The following ADAT3 variants were observed in gnomAD, a reference collection of about 807,000 sequenced individuals.
The protein encoded by ADAT3 is tRNA-specific adenosine-34 deaminase regulatory subunit ADAT3.
ADAT3 carries 2 observed loss-of-function variants against 3.5 expected under a neutral mutation model. The observed-to-expected ratio is 0.57, with a 90% CI of 0.23 to 1.79. ADAT3 has a LOEUF of 1.79. Ranked by LOEUF, ADAT3 falls within the 40% of genes most tolerant of loss-of-function variation. The pLI, the probability that ADAT3 is intolerant of heterozygous loss-of-function variation, is 0.18. For synonymous variants in ADAT3, 358 were observed against 270.3 expected (o/e 1.32, Z -3.18); for missense variants, 735 against 571.4 (o/e 1.29, Z -2.92).
At chr19:1,906,868 GTGTGT>G (rs2013149884) in intron 1 of ADAT3, 1 of 135,118 alleles carries the variant, frequency 7.4e-6, no homozygotes, top group African/African-American at 2.8e-5. Context: ...AAAAAAAATT[GTGTGT>G]GTGTGTGTGT....
chr19:1,912,832 T>C lies in ADAT3; in HGVS notation c.785T>C (p.Phe262Ser), dbSNP rs1012981484. Reference protein sequence around the residue: ...QGRGTYDFRPFPACSFAPAAA... With the variant: ...QGRGTYDFRPSPACSFAPAAA... ...CGCGGCACCTACGACTTCAGACCCT[T>C]CCCCGCCTGCTCCTTCGCCCCGGCC... The change falls in exon 2 of 2, where the codon TTC becomes TCC. Residue 262 changes from phenylalanine to serine, a missense_variant. By Grantham distance (155) the Phe-to-Ser change is radical (BLOSUM62 -2). Transcript: ENST00000329478. 1 of 1,591,824 alleles carries C rather than the reference T, an allele frequency of 6.3e-7. No individual in the cohort carries two copies. Among genetic ancestry groups the C allele is most frequent in the South Asian group, 1.1e-5 (1 of 90,366 alleles).
In ADAT3 at chr19:1,913,064, C is replaced by T. The variant is rs776784265; in HGVS notation, c.1017C>T (p.Ile339=). The T allele has an allele frequency of 6.2e-7, 1 of 1,602,562 alleles. No homozygotes were observed. Among genetic ancestry groups the T allele is most frequent in the Non-Finnish European group, 8.5e-7 (1 of 1,178,782 alleles). The change falls in exon 2 of 2, where the codon ATC becomes ATT. Residue 339 remains isoleucine (I), a synonymous_variant. Coordinates refer to ENST00000329478, the MANE Select transcript of ADAT3 (RefSeq NM_138422.4). ...PDGALGTRFR[I]HARPDLNHRF... is the part of the protein sequence containing the mutation. ...GCGCCCTGGGCACCCGCTTCCGCAT[C>T]CACGCACGGCCCGACCTCAACCACC...
Position 1,908,296 on chromosome 19 carries a change from C to T in ADAT3, c.-159+2857C>T, listed in dbSNP as rs770657112. 8 of 328,044 alleles carry T rather than the reference C, an allele frequency of 2.4e-5. No individual in the cohort carries two copies. The highest frequency in any genetic ancestry group is 8.9e-5 in the African/African-American group (4 of 44,840). The allele number at this position is 328,044 out of a possible 1,614,324, so 20.3% of individuals were successfully genotyped here. On this transcript the variant is annotated intron_variant, in intron 1 of 1. Transcript: ENST00000329478. The surrounding 1 kb of genome is among the most constrained non-coding windows in gnomAD (Gnocchi z 4.2). ...CTCCGGTTCTGTGCTTTGTTGAACG[C>T]GTGAGCTTCGGGCAGCGCTGGGGCC...
intron 1 of ADAT3, among the ~76,000 whole-genome samples, chr19:1,911,042 A>G (rs1461325503): frequency 6.6e-6 from 1 of 151,858 alleles, no homozygotes; most frequent in Non-Finnish European, 1.5e-5. Context: ...GGCCTGGCCA[A>G]TTCTTTGTAT....
At chr19:1,905,922 C>T (rs560089391) in intron 1 of ADAT3, 2 of 152,284 alleles carry the variant, frequency 1.3e-5, no homozygotes, top group East Asian at 1.9e-4. Flanking sequence ...CGTTCCTCAT[C>T]GTTACCTAGA....
intron 1 of ADAT3, among the ~76,000 whole-genome samples, chr19:1,911,219 T>TG (rs1340109685): frequency 1.3e-5 from 2 of 151,946 alleles, no homozygotes; most frequent in African/African-American, 4.8e-5. Flanking sequence ...TCAGCCAGGC[T>TG]GGGGTACAGT....
chr19:1,907,542 T>G (rs998072347), intron 1 of ADAT3, among the ~76,000 whole-genome samples: 1 of 152,016 alleles, frequency 6.6e-6, no homozygotes, highest in Non-Finnish European at 1.5e-5. Flanking sequence ...ACTGGGTGTG[T>G]TTTCTGGGTG....
intron 1 of ADAT3, among the ~76,000 whole-genome samples, chr19:1,911,316 T>C (rs2145433546): frequency 6.6e-6 from 1 of 151,968 alleles, no homozygotes; most frequent in South Asian, 2.1e-4. Context: ...AAACCACCGG[T>C]GTGTGCCACC....
chr19:1,907,629 A>G lies in ADAT3; in HGVS notation c.-159+2190A>G, dbSNP rs538750070. On this transcript the variant is annotated intron_variant, in intron 1 of 1. Coordinates refer to ENST00000329478, the MANE Select transcript of ADAT3 (RefSeq NM_138422.4). ...ATAAAGGCCTCCCAGCCTCCTGTTC[A>G]CCAGGGTTGTCACCACGCAGGGTCT... Among the ~76,000 whole-genome samples the G allele has an allele frequency of 2.0e-5, 3 of 152,176 alleles. No individual in the cohort carries two copies. In the South Asian group the frequency reaches 6.2e-4, roughly 32 times the overall value.
intron 1 of ADAT3, among the ~76,000 whole-genome samples, chr19:1,910,760 A>G (rs1315245893): frequency 3.4e-5 from 5 of 149,252 alleles, no homozygotes; most frequent in Admixed American, 1.4e-4. Context: ...TATTTTTAGT[A>G]GAGATGGGGT....
chr19:1,912,433 C>A lies in ADAT3; in HGVS notation c.386C>A (p.Pro129Gln). ...TCGCTGGCTGAGCTCCTGCCACGGC[C>A]GGCTGTGGACCCCCGCGGCCTGGGG... ...PRSLAELLPRPAVDPRGLGQP... is the reference protein window; with the variant it reads ...PRSLAELLPRQAVDPRGLGQP... Residue 129 changes from proline (P) to glutamine (Q), a missense_variant, in exon 2 of 2, where the codon CCG (proline) becomes CAG (glutamine). Pro to Gln is a moderately conservative substitution (Grantham distance 76). Coordinates refer to ENST00000329478, the MANE Select transcript of ADAT3 (RefSeq NM_138422.4). 3 of 1,510,422 alleles carry A rather than the reference C, an allele frequency of 2.0e-6. No homozygotes were observed. Among genetic ancestry groups the A allele is most frequent in the East Asian group, 2.7e-5 (1 of 37,664 alleles). 93.6% of individuals were successfully genotyped at this position (1,510,422 alleles called of 1,614,324 possible).
rs1449558816 is a variant in ADAT3, at chr19:1,913,156, C to T, written c.*5C>T. The T allele has an allele frequency of 4.6e-6, 7 of 1,530,974 alleles. No individual in the cohort carries two copies. In the African/African-American group the frequency reaches 5.5e-5, roughly 12 times the overall value. The allele number at this position is 1,530,974 out of a possible 1,614,324, so 94.8% of individuals were successfully genotyped here. ...TGGCTGGACCCCGACACGTAGGCGC[C>T]GCCCTCCTGCCTCCGGACCCTTCCC... On this transcript the variant is annotated 3_prime_UTR_variant, in exon 2 of 2. Transcript: ENST00000329478.
chr19:1,912,945 C>G lies in ADAT3; in HGVS notation c.898C>G (p.Leu300Val), dbSNP rs1292691294. Reference sequence around the variant, plus strand: ...CCCCTACCTGTGCACTGGCTACGACCTGTACGTGACCCGCGAGCCCTGCGC... The same window carrying G: ...CCCCTACCTGTGCACTGGCTACGACGTGTACGTGACCCGCGAGCCCTGCGC... ...GLPYLCTGYD[L>V]YVTREPCAMC... Residue 300 changes from leucine (L) to valine (V), a missense_variant, in exon 2 of 2, where the codon CTG (leucine) becomes GTG (valine). Physicochemically the swap from Leu to Val is conservative, Grantham distance 32 (BLOSUM62 1). Coordinates refer to ENST00000329478, the MANE Select transcript of ADAT3 (RefSeq NM_138422.4). 11 of 1,610,324 alleles carry G rather than the reference C, an allele frequency of 6.8e-6. No homozygotes were observed. In the East Asian group the frequency reaches 1.1e-4, roughly 16 times the overall value.
intron 1 of ADAT3, among the ~76,000 whole-genome samples, chr19:1,909,800 C>T (rs2013341700): frequency 6.6e-6 from 1 of 152,218 alleles, no homozygotes; most frequent in Non-Finnish European, 1.5e-5. Context: ...CAGTGGCTGC[C>T]TGCTCCACCC....
chr19:1,911,804 A>G (rs12609079), intron 1 of ADAT3, 86 bp from the exon 2 acceptor site: 14 of 402,674 alleles, frequency 3.5e-5, no homozygotes, highest in Non-Finnish European at 4.8e-5. Context: ...TAAAATAAAA[A>G]AAAAAGAAAA....
chr19:1,910,033 C>T (rs977507842), intron 1 of ADAT3, among the ~76,000 whole-genome samples: 6 of 152,200 alleles, frequency 3.9e-5, no homozygotes, highest in African/African-American at 7.2e-5. Context: ...GAGGGGGCCC[C>T]GTGTCCCCCA....
intron 1 of ADAT3, among the ~76,000 whole-genome samples, chr19:1,907,372 G>A (rs1204108629): frequency 9.0e-5 from 13 of 143,698 alleles, no homozygotes; most frequent in African/African-American, 3.2e-4. Context: ...TTTCTCTTAT[G>A]TACCTGACAG....
Position 1,912,852 on chromosome 19 carries a change from C to G in ADAT3, c.805C>G (p.Pro269Ala), listed in dbSNP as rs755159942. Residue 269 changes from proline (P) to alanine (A), a missense_variant, in exon 2 of 2, where the codon CCG (proline) becomes GCG (alanine). Pro to Ala is a conservative substitution (Grantham distance 27). Coordinates refer to ENST00000329478, the MANE Select transcript of ADAT3 (RefSeq NM_138422.4). ...FRPFPACSFA[P>A]AAAPQAVRAG... ...ACCCTTCCCCGCCTGCTCCTTCGCC[C>G]CGGCCGCTGCCCCCCAGGCCGTCCG... 1 of 1,597,118 alleles carries G rather than the reference C, an allele frequency of 6.3e-7. No individual in the cohort carries two copies. Among genetic ancestry groups the G allele is most frequent in the South Asian group, 1.1e-5 (1 of 90,670 alleles).
At position 1,908,296 on chromosome 19, in the gene ADAT3, C is replaced by G; in HGVS notation, c.-159+2857C>G. 1 of 328,162 alleles carries G rather than the reference C, an allele frequency of 3.0e-6. No homozygotes were observed. Among genetic ancestry groups the G allele is most frequent in the South Asian group, 2.2e-5 (1 of 44,606 alleles). 20.3% of individuals were successfully genotyped at this position (328,162 alleles called of 1,614,324 possible). On this transcript the variant is annotated intron_variant, in intron 1 of 1. Coordinates refer to ENST00000329478, the MANE Select transcript of ADAT3 (RefSeq NM_138422.4). This position sits in a 1 kb window ranked among gnomAD's most constrained non-coding sequence, Gnocchi z 4.2. ...CTCCGGTTCTGTGCTTTGTTGAACG[C>G]GTGAGCTTCGGGCAGCGCTGGGGCC...
Sources: gnomAD v4.1 joint callset for allele counts (sites outside exome capture counted in the v4.1 genomes callset) on GRCh38, gnomAD v4.1.1 for gene constraint, Gnocchi (gnomAD v3.1) non-coding constraint, MANE v1.5 for transcripts, NCBI Gene and HGNC (gene_info 2026-07-23, HGNC 2026-07-21) for gene names.